Variants in STK39 observed in about 807,000 individuals in gnomAD.
STK39 encodes serine/threonine kinase 39, also known as STE20/SPS1-related proline-alanine-rich protein kinase.
A neutral mutation model predicts 77.8 loss-of-function variants in STK39; 20 were observed. The observed-to-expected ratio is 0.26, with a 90% CI of 0.18 to 0.37. STK39 has a LOEUF of 0.37. Among genes scored for constraint, STK39 ranks in the 10% least tolerant of loss-of-function variants. STK39 has a pLI of 1.00. For synonymous variants in STK39, 246 were observed against 234.1 expected, an observed-to-expected ratio of 1.05 and a Z score of -0.47; for missense variants, 479 against 656.5, an observed-to-expected ratio of 0.73 and a Z score of 2.95.
chr2:168,201,020 T>C (rs889432237), intron 1 of STK39, among the ~76,000 whole-genome samples: 1 of 152,202 alleles, frequency 6.6e-6, no homozygotes, highest in Non-Finnish European at 1.5e-5. Context: ...ACATTTTTCA[T>C]CTAAGGTTTA....
chr2:168,186,117 C>CA (rs1411051225), intron 1 of STK39, among the ~76,000 whole-genome samples: 1 of 152,122 alleles, frequency 6.6e-6, no homozygotes, highest in Non-Finnish European at 1.5e-5. Context: ...GTCATCAGGA[C>CA]AGAGCCCTGG....
rs116806123 is a variant in STK39 at position 168,028,522 on chromosome 2, G to A, written c.1377-11427C>T. ...ACTTATGGGGCAAAGGGGAAAAGGA[G>A]TAATCATATAAATACCAGACTCATG... On this transcript the variant is annotated intron_variant, in intron 14 of 17. Coordinates refer to ENST00000355999, the MANE Select transcript of STK39 (RefSeq NM_013233.3). Among the ~76,000 whole-genome samples, 1,158 of 152,322 alleles carry A rather than the reference G, an allele frequency of 7.6e-3. 12 individuals carry two copies. The highest frequency in any genetic ancestry group is 0.025 in the African/African-American group (1,059 of 41,554).
chr2:168,161,715 A>G, intron 5 of STK39, 72 bp downstream of exon 5: 1 of 1,085,774 alleles, frequency 9.2e-7, no homozygotes, highest in Non-Finnish European at 1.4e-6. Flanking sequence ...TTTCTCAGGA[A>G]TGATTCTACA....
chr2:168,087,681 G>A (rs552169359), intron 10 of STK39, among the ~76,000 whole-genome samples: 1 of 152,244 alleles, frequency 6.6e-6, no homozygotes, highest in South Asian at 2.1e-4. Flanking sequence ...CTCTTTATAG[G>A]TCTCTCCTAC....
At chr2:168,028,704 T>C (rs1454688426) in intron 14 of STK39, among the ~76,000 whole-genome samples, 1 of 152,206 alleles carries the variant, frequency 6.6e-6, no homozygotes, top group Admixed American at 6.5e-5. Flanking sequence ...TTAACATTAT[T>C]TGTGCCTTTA....
intron 16 of STK39, among the ~76,000 whole-genome samples, chr2:167,991,186 C>A (rs542061079): frequency 6.6e-6 from 1 of 152,180 alleles, no homozygotes; most frequent in African/African-American, 2.4e-5. Flanking sequence ...ATTGAAAGCA[C>A]ACATGTGCTT....
At chr2:168,216,175 C>T (rs1042203481) in intron 1 of STK39, among the ~76,000 whole-genome samples, 5 of 151,932 alleles carry the variant, frequency 3.3e-5, no homozygotes, top group African/African-American at 1.2e-4. Context: ...CAAACCCCAA[C>T]CCAATATGAA....
chr2:168,146,700 C>T (rs1688149437), intron 5 of STK39, among the ~76,000 whole-genome samples: 1 of 152,178 alleles, frequency 6.6e-6, no homozygotes, highest in African/African-American at 2.4e-5. Context: ...CTGTTGTTCC[C>T]TCTCTCGTTA....
chr2:167,995,489 G>C (rs1351489252), intron 16 of STK39, among the ~76,000 whole-genome samples: 2 of 152,154 alleles, frequency 1.3e-5, no homozygotes, highest in South Asian at 2.1e-4. Flanking sequence ...TTCCAATACA[G>C]TATTTTCATG....
chr2:168,044,733 C>T (rs918587084), intron 14 of STK39, among the ~76,000 whole-genome samples: 1 of 152,074 alleles, frequency 6.6e-6, no homozygotes, highest in Non-Finnish European at 1.5e-5. Context: ...GGAAGGTGAG[C>T]GAAGACCTGT....
At chr2:167,971,501 C>T (rs1386722487) in intron 16 of STK39, among the ~76,000 whole-genome samples, 1 of 151,966 alleles carries the variant, frequency 6.6e-6, no homozygotes, top group African/African-American at 2.4e-5. Flanking sequence ...CAAGGGAACC[C>T]AAGAGAAAAG....
intron 14 of STK39, among the ~76,000 whole-genome samples, chr2:168,018,782 G>C (rs768433640): frequency 4.6e-5 from 7 of 152,082 alleles, no homozygotes; most frequent in Admixed American, 6.6e-5. Context: ...AAACCACAAT[G>C]AAGCTGGTCT....
At chr2:168,051,897 T>G (rs1341726823) in intron 14 of STK39, among the ~76,000 whole-genome samples, 1 of 152,022 alleles carries the variant, frequency 6.6e-6, no homozygotes, top group Non-Finnish European at 1.5e-5. Flanking sequence ...ACAGCCATGG[T>G]AAGCTCCACA....
At chr2:168,231,648 G>A (rs752046148) in intron 1 of STK39, among the ~76,000 whole-genome samples, 12 of 151,968 alleles carry the variant, frequency 7.9e-5, no homozygotes, top group Non-Finnish European at 1.2e-4. Flanking sequence ...TCAATATGGA[G>A]AACAGATCTT....
rs570727347 is a variant in STK39 at position 168,205,241 on chromosome 2, ATATAT to A, written c.209-23156_209-23152del. Among the ~76,000 whole-genome samples, 445 of 152,358 alleles carry A rather than the reference ATATAT, an allele frequency of 2.9e-3. 4 individuals carry two copies. The highest frequency in any genetic ancestry group is 0.01 in the African/African-American group (421 of 41,576). Reference sequence around the variant, plus strand: ...TCATTTTAGAATGAGAAAATGAATAATATATTAAATTAAAACCAGTTATAAAACAT... The same window carrying A: ...TCATTTTAGAATGAGAAAATGAATAATAAATTAAAACCAGTTATAAAACAT... On this transcript the variant is annotated intron_variant, in intron 1 of 17. Transcript: ENST00000355999.
At chr2:168,083,537 A>T (rs902371954) in intron 10 of STK39, among the ~76,000 whole-genome samples, 20 of 152,108 alleles carry the variant, frequency 1.3e-4, no homozygotes, top group Non-Finnish European at 2.1e-4. Flanking sequence ...AATTTTTTTT[A>T]AAAGACATAA....
chr2:167,971,516 T>C (rs1333870859), intron 16 of STK39, among the ~76,000 whole-genome samples: 1 of 152,194 alleles, frequency 6.6e-6, no homozygotes, highest in African/African-American at 2.4e-5. Flanking sequence ...GAAAAGCCAA[T>C]ATTTTAGGTA....
intron 12 of STK39, among the ~76,000 whole-genome samples, chr2:168,069,071 C>A (rs998365921): frequency 2.0e-5 from 3 of 152,136 alleles, no homozygotes; most frequent in African/African-American, 7.2e-5. Flanking sequence ...TGCACACCAC[C>A]ATGCTCGGCT....
chr2:168,198,982 T>A (rs902984560), intron 1 of STK39, among the ~76,000 whole-genome samples: 6 of 152,236 alleles, frequency 3.9e-5, no homozygotes, highest in Admixed American at 3.3e-4. Context: ...CTAAAAAAGT[T>A]TCATATGCTT....
Sources: gnomAD v4.1 joint callset for allele counts (sites outside exome capture counted in the v4.1 genomes callset) on GRCh38, gnomAD v4.1.1 for gene constraint, MANE v1.5 for transcripts, NCBI Gene and HGNC (gene_info 2026-07-23, HGNC 2026-07-21) for gene names.